Variants in TFF3 observed in about 807,000 individuals in gnomAD.
The protein encoded by TFF3 is trefoil factor 3.
In TFF3, 6 loss-of-function variants were observed where a neutral mutation model predicts 9.7. The observed-to-expected ratio is 0.62, with a 90% CI of 0.34 to 1.22. The LOEUF (loss-of-function observed/expected upper bound fraction) is 1.22. Ranked by LOEUF, TFF3 falls within the 50% of genes most tolerant of loss-of-function variation. TFF3 has a pLI of 0.04. For missense variants in TFF3, 93 were observed against 98.6 expected (o/e 0.94, Z 0.24); for synonymous variants, 48 against 41.4 (o/e 1.16, Z -0.61).
rs562838988 is a variant in TFF3, at chr21:42,315,254, C to T, written c.82+39G>A. 24 of 1,595,132 alleles carry T rather than the reference C, an allele frequency of 1.5e-5. 1 individual carries two copies. In the East Asian group the frequency reaches 1.8e-4, roughly 12 times the overall value. ...CCTTATCCTGGATCCCTTCCCTTCACGCCCACCCTGCCACCGGGGCAGTCA... is the reference window on the plus strand; with the variant it reads ...CCTTATCCTGGATCCCTTCCCTTCATGCCCACCCTGCCACCGGGGCAGTCA... On this transcript the variant is annotated intron_variant, in intron 1 of 2. Transcript: ENST00000518498.
chr21:42,314,437 T>C (rs1345952858), intron 1 of TFF3, among the ~76,000 whole-genome samples: 1 of 152,120 alleles, frequency 6.6e-6, no homozygotes, highest in Non-Finnish European at 1.5e-5. Flanking sequence ...GAGGATCACT[T>C]GAGGCCAGGA....
chr21:42,314,934 T>C (rs1284362231), intron 1 of TFF3, among the ~76,000 whole-genome samples: 1 of 152,232 alleles, frequency 6.6e-6, no homozygotes, highest in Non-Finnish European at 1.5e-5. Context: ...AGTCAGGGTT[T>C]TTCTCCTGCA....
chr21:42,313,020 G>A lies in TFF3; in HGVS notation c.229+465C>T, dbSNP rs952529412. On this transcript the variant is annotated intron_variant, in intron 2 of 2. Coordinates refer to ENST00000518498, the MANE Select transcript of TFF3 (RefSeq NM_003226.4). The surrounding 1 kb of genome is among the most constrained non-coding windows in gnomAD (Gnocchi z 4.0). ...CACGGCAGAGAGAGGGAGAGGAGAT[G>A]ACCCTTGTGGGGGGCAGAGTGGGGG... Among the ~76,000 whole-genome samples the A allele has an allele frequency of 5.9e-5, 9 of 152,112 alleles. No individual in the cohort carries two copies. The highest frequency in any genetic ancestry group is 1.9e-4 in the East Asian group (1 of 5,162).
rs1452240361 is a variant in TFF3 at position 42,311,917 on chromosome 21, A to C, written c.*339T>G. The C allele has an allele frequency of 5.8e-6, 3 of 516,410 alleles. No homozygotes were observed. In the African/African-American group the frequency reaches 5.8e-5, roughly 10 times the overall value. The allele number at this position is 516,410 out of a possible 1,614,324, so 32.0% of individuals were successfully genotyped here. On this transcript the variant is annotated 3_prime_UTR_variant, in exon 3 of 3. Transcript: ENST00000518498. Reference sequence around the variant, plus strand: ...TCCTGTGACGTGGGTGCCAGTCTGGATTCAAAATATCCTTGCATGCACTGC... The same window carrying C: ...TCCTGTGACGTGGGTGCCAGTCTGGCTTCAAAATATCCTTGCATGCACTGC...
intron 1 of TFF3, among the ~76,000 whole-genome samples, chr21:42,314,950 C>T (rs1014933578): frequency 2.0e-5 from 3 of 152,328 alleles, no homozygotes; most frequent in African/African-American, 7.2e-5. Flanking sequence ...CTGCATCTTT[C>T]CTTTTTCTTT....
chr21:42,312,140 G>T lies in TFF3; in HGVS notation c.*116C>A. 1 of 1,406,590 alleles carries T rather than the reference G, an allele frequency of 7.1e-7. No individual in the cohort carries two copies. The highest frequency in any genetic ancestry group is 1.0e-6 in the Non-Finnish European group (1 of 990,834). 87.1% of individuals were successfully genotyped at this position (1,406,590 alleles called of 1,614,324 possible). A position where few individuals can be genotyped will look rare whatever the true frequency, so the allele number is the denominator to read the frequency against. ...CCAGATATGAACTTTCAGCAGAAGC[G>T]CTTGCCGGGAGCAAAGGGACAGAAA... On this transcript the variant is annotated 3_prime_UTR_variant, in exon 3 of 3. Coordinates refer to ENST00000518498, the MANE Select transcript of TFF3 (RefSeq NM_003226.4).
Position 42,311,932 on chromosome 21 carries a change from G to C in TFF3, c.*324C>G, listed in dbSNP as rs2069332835. On this transcript the variant is annotated 3_prime_UTR_variant, in exon 3 of 3. Coordinates refer to ENST00000518498, the MANE Select transcript of TFF3 (RefSeq NM_003226.4). The stretch of plus-strand genomic sequence containing the variant: ...GCCAGTCTGGATTCAAAATATCCTT[G>C]CATGCACTGCAGCTCCTTAGGGAGT... 2 of 558,644 alleles carry C rather than the reference G, an allele frequency of 3.6e-6. No homozygotes were observed. Among genetic ancestry groups the C allele is most frequent in the African/African-American group, 1.9e-5 (1 of 52,994 alleles). The allele number at this position is 558,644 out of a possible 1,614,324, so 34.6% of individuals were successfully genotyped here. A position where few individuals can be genotyped will look rare whatever the true frequency, so the allele number is the denominator to read the frequency against.
In TFF3 at chr21:42,313,115, C is replaced by T. The variant is rs546594630; in HGVS notation, c.229+370G>A. Among the ~76,000 whole-genome samples the T allele has an allele frequency of 8.1e-4, 123 of 152,260 alleles. No homozygotes were observed. Among genetic ancestry groups the T allele is most frequent in the African/African-American group, 2.9e-3 (122 of 41,542 alleles). Reference sequence around the variant, plus strand: ...CCTGCCGTCTGTGTAGGGGATGCCACAAATGACAAGACTCTGGGGGGCCGA... The same window carrying T: ...CCTGCCGTCTGTGTAGGGGATGCCATAAATGACAAGACTCTGGGGGGCCGA... On this transcript the variant is annotated intron_variant, in intron 2 of 2. Transcript: ENST00000518498. This position sits in a 1 kb window ranked among gnomAD's most constrained non-coding sequence, Gnocchi z 4.0.
In TFF3 at chr21:42,312,110, AG is replaced by A; in HGVS notation, c.*145del. The A allele has an allele frequency of 9.3e-7, 1 of 1,072,010 alleles. No individual in the cohort carries two copies. Among genetic ancestry groups the A allele is most frequent in the Non-Finnish European group, 1.5e-6 (1 of 688,440 alleles). 66.4% of individuals were successfully genotyped at this position (1,072,010 alleles called of 1,614,324 possible). A position where few individuals can be genotyped will look rare whatever the true frequency, so the allele number is the denominator to read the frequency against. On this transcript the variant is annotated 3_prime_UTR_variant, in exon 3 of 3. Transcript: ENST00000518498. ...TGGGACCTTTATTCGTTAAGACATC[AG>A]GCTCCAGATATGAACTTTCAGCAGA...
At position 42,313,720 on chromosome 21, in the gene TFF3, C is replaced by G; in HGVS notation, c.83-89G>C. On this transcript the variant is annotated intron_variant, in intron 1 of 2. Transcript: ENST00000518498. The surrounding 1 kb of genome is among the most constrained non-coding windows in gnomAD (Gnocchi z 4.0). ...TTCACTTTGCAAGTTTGCATCCTCC[C>G]GCTCCGCCCCACCCCGCCGAGTTCA... 6.9e-7 allele frequency: 1 copy of G among 1,442,430 alleles called. No homozygotes were observed. The allele number at this position is 1,442,430 out of a possible 1,614,324, so 89.4% of individuals were successfully genotyped here.
chr21:42,313,677 T>C lies in TFF3; in HGVS notation c.83-46A>G, dbSNP rs1192937442. On this transcript the variant is annotated intron_variant, in intron 1 of 2. Transcript: ENST00000518498. The surrounding 1 kb of genome is among the most constrained non-coding windows in gnomAD (Gnocchi z 4.0). ...TCAGCTGCCAGAGCCCTTGCTGGGC[T>C]GCGGTGAGTGTGTTTGCTTCACTTT... is the stretch of plus-strand genomic sequence containing the variant. 2.2e-5 allele frequency: 35 copies of C among 1,567,412 alleles called. No individual in the cohort carries two copies. The highest frequency in any genetic ancestry group is 3.0e-5 in the Non-Finnish European group (35 of 1,155,410).
chr21:42,313,635 T>C lies in TFF3; in HGVS notation c.83-4A>G. Reference sequence around the variant, plus strand: ...GGCACGGCACACTGGTTTGCAGCTGTCCCAGACAAAGCCCTGTCAGCTGCC... The same window carrying C: ...GGCACGGCACACTGGTTTGCAGCTGCCCCAGACAAAGCCCTGTCAGCTGCC... On this transcript the variant is annotated splice_region_variant and splice_polypyrimidine_tract_variant and intron_variant, in intron 1 of 2. Coordinates refer to ENST00000518498, the MANE Select transcript of TFF3 (RefSeq NM_003226.4). This position sits in a 1 kb window ranked among gnomAD's most constrained non-coding sequence, Gnocchi z 4.0. 1 of 1,606,358 alleles carries C rather than the reference T, an allele frequency of 6.2e-7. No homozygotes were observed. Among genetic ancestry groups the C allele is most frequent in the Non-Finnish European group, 8.5e-7 (1 of 1,177,118 alleles).
At position 42,313,600 on chromosome 21, in the gene TFF3, G is replaced by A. The variant is rs2069343062; in HGVS notation, c.114C>T (p.Asp38=). ...CATGGGGGTAGCCGCAGTCCACCCT[G>A]TCCTTGGCTGGCACGGCACACTGGT... ...SANQCAVPAK[D]RVDCGYPHVT... is the part of the protein sequence containing the mutation. Residue 38 remains aspartate (D), a synonymous_variant, in exon 2 of 3, where the codon GAC becomes GAT. Coordinates refer to ENST00000518498, the MANE Select transcript of TFF3 (RefSeq NM_003226.4). The surrounding 1 kb of genome is among the most constrained non-coding windows in gnomAD (Gnocchi z 4.0). 6.2e-7 allele frequency: 1 copy of A among 1,610,754 alleles called. No individual in the cohort carries two copies. The highest frequency in any genetic ancestry group is 8.5e-7 in the Non-Finnish European group (1 of 1,179,388).
rs72563146 is a variant in TFF3, at chr21:42,313,525, G to T, written c.189C>A (p.Ile63=). ...GCTTGAAACACCAAGGCACTCCAGG[G>T]ATCCTGGAGTCAAAGCAGCAGCCCC... is the stretch of plus-strand genomic sequence containing the variant. ...NNRGCCFDSR[I]PGVPWCFKPL... Residue 63 remains isoleucine, a synonymous_variant, in exon 2 of 3, where the codon ATC becomes ATA. Coordinates refer to ENST00000518498, the MANE Select transcript of TFF3 (RefSeq NM_003226.4). This position sits in a 1 kb window ranked among gnomAD's most constrained non-coding sequence, Gnocchi z 4.0. 1 of 1,610,162 alleles carries T rather than the reference G, an allele frequency of 6.2e-7. No individual in the cohort carries two copies. Among genetic ancestry groups the T allele is most frequent in the Non-Finnish European group, 8.5e-7 (1 of 1,179,096 alleles).
chr21:42,312,696 G>A (rs1488829991), intron 2 of TFF3, among the ~76,000 whole-genome samples: 1 of 152,178 alleles, frequency 6.6e-6, no homozygotes, highest in Admixed American at 6.5e-5. Flanking sequence ...GGGAGCCGGG[G>A]CCAGCAGGAC....
Position 42,312,090 on chromosome 21 carries a change from C to T in TFF3, c.*166G>A, listed in dbSNP as rs765325333. On this transcript the variant is annotated 3_prime_UTR_variant, in exon 3 of 3. Transcript: ENST00000518498. ...AACTGTCCTCGGGTGGAGCATGGGA[C>T]CTTTATTCGTTAAGACATCAGGCTC... The T allele has an allele frequency of 1.1e-6, 1 of 903,396 alleles. No homozygotes were observed. The highest frequency in any genetic ancestry group is 1.9e-5 in the Admixed American group (1 of 53,798). The allele number at this position is 903,396 out of a possible 1,614,324, so 56.0% of individuals were successfully genotyped here. A position where few individuals can be genotyped will look rare whatever the true frequency, so the allele number is the denominator to read the frequency against.
chr21:42,313,886 C>T lies in TFF3; in HGVS notation c.83-255G>A, dbSNP rs895201760. ...CTCCTTGGCACGCTCTTATCACCTT[C>T]TCGGGAAGTCACATACGGACCTGGG... is the stretch of plus-strand genomic sequence containing the variant. On this transcript the variant is annotated intron_variant, in intron 1 of 2. Coordinates refer to ENST00000518498, the MANE Select transcript of TFF3 (RefSeq NM_003226.4). This position sits in a 1 kb window ranked among gnomAD's most constrained non-coding sequence, Gnocchi z 4.0. Among the ~76,000 whole-genome samples the T allele has an allele frequency of 6.6e-6, 1 of 152,202 alleles. No homozygotes were observed. Among genetic ancestry groups the T allele is most frequent in the African/African-American group, 2.4e-5 (1 of 41,454 alleles).
In TFF3 at chr21:42,315,395, C is replaced by T. The variant is rs774762226; in HGVS notation, c.-21G>A. Reference sequence around the variant, plus strand: ...GCCATGACCACCGTGGGCTCCGGGACGCAGCTCAGGACTCGCTTCATGGTC... The same window carrying T: ...GCCATGACCACCGTGGGCTCCGGGATGCAGCTCAGGACTCGCTTCATGGTC... On this transcript the variant is annotated 5_prime_UTR_variant, in exon 1 of 3. Transcript: ENST00000518498. 29 of 1,614,034 alleles carry T rather than the reference C, an allele frequency of 1.8e-5. No homozygotes were observed. Among genetic ancestry groups the T allele is most frequent in the South Asian group, 1.4e-4 (13 of 91,078 alleles).
rs766320084 is a variant in TFF3, at chr21:42,311,939, C to G, written c.*317G>C. On this transcript the variant is annotated 3_prime_UTR_variant, in exon 3 of 3. Coordinates refer to ENST00000518498, the MANE Select transcript of TFF3 (RefSeq NM_003226.4). ...TGGATTCAAAATATCCTTGCATGCA[C>G]TGCAGCTCCTTAGGGAGTCTTTTCC... The G allele has an allele frequency of 3.5e-6, 2 of 578,370 alleles. No homozygotes were observed. The highest frequency in any genetic ancestry group is 6.2e-6 in the Non-Finnish European group (2 of 320,974). 35.8% of individuals were successfully genotyped at this position (578,370 alleles called of 1,614,324 possible).
Sources: allele counts gnomAD v4.1 joint callset (sites outside exome capture counted in the v4.1 genomes callset), GRCh38; gene constraint gnomAD v4.1.1; non-coding constraint Gnocchi (gnomAD v3.1); transcripts MANE v1.5; gene names NCBI Gene and HGNC (gene_info 2026-07-23, HGNC 2026-07-21).